Variants in SPATS2 observed in about 807,000 individuals in gnomAD.
The protein encoded by SPATS2 is spermatogenesis-associated serine-rich protein 2.
A neutral mutation model predicts 63.7 loss-of-function variants in SPATS2; 38 were observed. That is an observed-to-expected ratio of 0.60 (90% CI 0.46 to 0.78). The LOEUF is 0.78. SPATS2 is among the 30% of genes least tolerant of loss of function. The probability of loss-of-function intolerance (pLI) is 0.00; values close to 1 mark genes in which losing one functional copy is unlikely to be tolerated. For synonymous variants in SPATS2, 207 were observed against 232.9 expected (o/e 0.89, Z 1.01); for missense variants, 588 against 666.2 (o/e 0.88, Z 1.29).
At chr12:49,456,163 A>G (rs1298835230) in intron 2 of SPATS2, among the ~76,000 whole-genome samples, 1 of 152,222 alleles carries the variant, frequency 6.6e-6, no homozygotes, top group Non-Finnish European at 1.5e-5. Context: ...GCCTTGGTAG[A>G]ACTACCTTTC....
At chr12:49,432,923 A>G (rs1174245174) in intron 2 of SPATS2, among the ~76,000 whole-genome samples, 2 of 152,198 alleles carry the variant, frequency 1.3e-5, no homozygotes, top group Admixed American at 6.5e-5. Flanking sequence ...TGTTTTGAAT[A>G]CGTATCCAGA....
rs1945265619 is a variant in SPATS2 at position 49,435,647 on chromosome 12, T to C, written c.-243-25123T>C. ...GGCTACTGAATGGTTTCTTTTTTTT[T>C]TTTTTTTTTTTTTTTTTAATTGATC... is the stretch of plus-strand genomic sequence containing the variant. On this transcript the variant is annotated intron_variant, in intron 2 of 13. Coordinates refer to ENST00000552918, the MANE Select transcript of SPATS2 (RefSeq NM_023071.4). Among the ~76,000 whole-genome samples the C allele has an allele frequency of 4.0e-5, 4 of 99,280 alleles. No individual in the cohort carries two copies. The South Asian group carries it at 8.0e-4, about 20-fold the overall frequency. 65.1% of individuals were successfully genotyped at this position (99,280 alleles called of 152,430 possible).
At chr12:49,497,323 G>C (rs946802249) in intron 8 of SPATS2, among the ~76,000 whole-genome samples, 2 of 151,378 alleles carry the variant, frequency 1.3e-5, no homozygotes, top group Non-Finnish European at 2.9e-5. Context: ...CAACGTTTTG[G>C]TGCTATTTCT....
chr12:49,381,674 ATTT>A (rs950207604), intron 2 of SPATS2, among the ~76,000 whole-genome samples: 6 of 152,196 alleles, frequency 3.9e-5, no homozygotes, highest in Non-Finnish European at 8.8e-5. Flanking sequence ...CACAATGAGA[ATTT>A]TTTGAAACCT....
chr12:49,418,108 G>GTTTTTTTTTTT lies in SPATS2; in HGVS notation c.-243-42648_-243-42638dup, dbSNP rs760281633. Among the ~76,000 whole-genome samples the GTTTTTTTTTTT allele has an allele frequency of 1.6e-4, 12 of 76,050 alleles. 1 individual carries two copies. The highest frequency in any genetic ancestry group is 4.4e-4 in the South Asian group (1 of 2,298). 49.9% of individuals were successfully genotyped at this position (76,050 alleles called of 152,430 possible). ...TGTAGCTTTCATTTTAAATGACTCA[G>GTTTTTTTTTTT]TTTTTTTTTTTTTTTTTTTTTTTTG... On this transcript the variant is annotated intron_variant, in intron 2 of 13. Transcript: ENST00000552918.
intron 2 of SPATS2, among the ~76,000 whole-genome samples, chr12:49,392,273 C>T (rs1354177963): frequency 6.6e-6 from 1 of 151,136 alleles, no homozygotes; most frequent in Non-Finnish European, 1.5e-5. Context: ...AGAACCTTAA[C>T]TTTATGTCTG....
intron 2 of SPATS2, among the ~76,000 whole-genome samples, chr12:49,393,388 A>G (rs1244212246): frequency 6.6e-6 from 1 of 152,142 alleles, no homozygotes; most frequent in Non-Finnish European, 1.5e-5. Context: ...AGGCATACAA[A>G]ATAGGGATTT....
chr12:49,522,691 T>C, intron 11 of SPATS2, 60 bp from the exon 12 acceptor site: 1 of 1,357,804 alleles, frequency 7.4e-7, no homozygotes, highest in South Asian at 1.2e-5. Context: ...GTATAGCAAG[T>C]TATAGATTCC....
intron 3 of SPATS2, chr12:49,469,648 T>C: frequency 2.5e-6 from 1 of 397,164 alleles, no homozygotes; most frequent in Non-Finnish European, 4.9e-6. Flanking sequence ...TCCAGCACTT[T>C]AGGAGGCTGA....
chr12:49,417,632 C>T (rs1046334385), intron 2 of SPATS2, among the ~76,000 whole-genome samples: 6 of 152,132 alleles, frequency 3.9e-5, no homozygotes, highest in Admixed American at 6.6e-5. Context: ...TTCTTCTTCC[C>T]GTTTTGCTGT....
At chr12:49,381,691 T>G (rs1314720525) in intron 2 of SPATS2, among the ~76,000 whole-genome samples, 1 of 152,222 alleles carries the variant, frequency 6.6e-6, no homozygotes, top group Non-Finnish European at 1.5e-5. Context: ...GAAACCTGGG[T>G]CAGAGAAGCC....
intron 2 of SPATS2, among the ~76,000 whole-genome samples, chr12:49,430,829 A>G (rs1442612532): frequency 7.2e-5 from 11 of 151,948 alleles, no homozygotes; most frequent in Non-Finnish European, 1.3e-4. Context: ...GCTCCTGAGT[A>G]GCTGGGACTA....
chr12:49,396,889 A>G (rs1370723458), intron 2 of SPATS2, among the ~76,000 whole-genome samples: 2 of 152,204 alleles, frequency 1.3e-5, no homozygotes, highest in East Asian at 3.8e-4. Flanking sequence ...TCTGGACTTC[A>G]GCTCTGTAAT....
intron 9 of SPATS2, among the ~76,000 whole-genome samples, chr12:49,511,027 C>G (rs1946744318): frequency 6.6e-6 from 1 of 152,024 alleles, no homozygotes; most frequent in Non-Finnish European, 1.5e-5. Flanking sequence ...ATACCAAAAC[C>G]CCATCTCTGC....
At chr12:49,511,649 C>G (rs141787086) in intron 9 of SPATS2, among the ~76,000 whole-genome samples, 161 of 152,220 alleles carry the variant, frequency 1.1e-3, no homozygotes, top group African/African-American at 3.7e-3. Context: ...TTACCTCACA[C>G]CACAGGTACT....
At chr12:49,457,601 T>C (rs1945742358) in intron 2 of SPATS2, among the ~76,000 whole-genome samples, 1 of 151,986 alleles carries the variant, frequency 6.6e-6, no homozygotes, top group Non-Finnish European at 1.5e-5. Context: ...GCCCAGCTAA[T>C]TCTGTATTTT....
At chr12:49,494,119 CAA>C (rs994038828) in intron 6 of SPATS2, among the ~76,000 whole-genome samples, 19 of 152,074 alleles carry the variant, frequency 1.2e-4, no homozygotes, top group Admixed American at 3.9e-4. Flanking sequence ...GATTGCTAGT[CAA>C]AGAGTATGTG....
intron 10 of SPATS2, among the ~76,000 whole-genome samples, chr12:49,517,853 CCAA>C (rs1946876811): frequency 6.6e-6 from 1 of 152,118 alleles, no homozygotes. Context: ...ATGTTGGTAC[CCAA>C]CAACATTGGA....
At chr12:49,498,145 A>AAAAAT (rs66900382) in intron 8 of SPATS2, among the ~76,000 whole-genome samples, 81 of 98,960 alleles carry the variant, frequency 8.2e-4, no homozygotes, top group African/African-American at 3.5e-3. Flanking sequence ...AAAAAAAAAA[A>AAAAAT]ATATATATAT....
Sources: allele counts gnomAD v4.1 joint callset (sites outside exome capture counted in the v4.1 genomes callset), GRCh38; gene constraint gnomAD v4.1.1; transcripts MANE v1.5; gene names NCBI Gene and HGNC (gene_info 2026-07-23, HGNC 2026-07-21).